The following NXPE2 variants were observed in gnomAD, a reference collection of about 807,000 sequenced individuals.
NXPE2 encodes the protein neurexophilin and PC-esterase domain family member 2.
A neutral mutation model predicts 34.4 loss-of-function variants in NXPE2; 34 were observed. The ratio of observed to expected loss-of-function variants is 0.99; its 90% CI spans 0.75 to 1.31. NXPE2 has a LOEUF of 1.31. Among genes scored for constraint, NXPE2 ranks in the 40% most tolerant of loss-of-function variants. The probability of loss-of-function intolerance (pLI) is 0.00; values close to 1 mark genes in which losing one functional copy is unlikely to be tolerated. For synonymous variants in NXPE2, 235 were observed against 231.3 expected (o/e 1.02, Z -0.15); for missense variants, 649 against 672.5 (o/e 0.97, Z 0.39).
chr11:114,559,301 T>C, the NXPE2 span, among the ~76,000 whole-genome samples: 1 of 152,176 alleles, frequency 6.6e-6, no homozygotes, highest in Admixed American at 6.5e-5. Flanking sequence ...ACAGGAAACT[T>C]TCCAGCATAA....
the NXPE2 span, among the ~76,000 whole-genome samples, chr11:114,725,684 T>C: frequency 6.6e-6 from 1 of 152,004 alleles, no homozygotes; most frequent in Admixed American, 6.6e-5. Flanking sequence ...TGTCAGTCTC[T>C]CATCAGCATC....
At chr11:114,688,653 T>A (rs764090474) in intron 2 of NXPE2, among the ~76,000 whole-genome samples, 1 of 152,062 alleles carries the variant, frequency 6.6e-6, no homozygotes, top group Non-Finnish European at 1.5e-5. Context: ...ATAGTTTCAG[T>A]AGGATTGGTA....
At chr11:114,519,334 T>TA in the NXPE2 span, among the ~76,000 whole-genome samples, 4 of 152,160 alleles carry the variant, frequency 2.6e-5, no homozygotes, top group African/African-American at 9.7e-5. Context: ...CATTAACACT[T>TA]ATTCCTGGTT....
chr11:114,536,806 A>G, the NXPE2 span, among the ~76,000 whole-genome samples: 1 of 152,210 alleles, frequency 6.6e-6, no homozygotes, highest in Admixed American at 6.5e-5. Flanking sequence ...TACCAACCAA[A>G]AAAAGTCCAG....
At chr11:114,557,667 ATATAT>A in the NXPE2 span, among the ~76,000 whole-genome samples, 107 of 114,216 alleles carry the variant, frequency 9.4e-4, no homozygotes, top group Admixed American at 1.3e-3. Flanking sequence ...ATATATATAT[ATATAT>A]AAAATCCTTG....
At chr11:114,639,844 A>G in the NXPE2 span, among the ~76,000 whole-genome samples, 1 of 110,490 alleles carries the variant, frequency 9.1e-6, no homozygotes, top group African/African-American at 3.8e-5. Flanking sequence ...TATTAAATAT[A>G]AAATATAATA....
At chr11:114,634,461 A>C in the NXPE2 span, among the ~76,000 whole-genome samples, 192 of 152,058 alleles carry the variant, frequency 1.3e-3, 2 homozygotes, top group African/African-American at 4.4e-3. Flanking sequence ...GCAGCTCTTT[A>C]GTTTAGTTAG....
chr11:114,755,660 C>A, the NXPE2 span, among the ~76,000 whole-genome samples: 1 of 150,974 alleles, frequency 6.6e-6, no homozygotes, highest in Non-Finnish European at 1.5e-5. Context: ...ATCTGTCTAT[C>A]CATCCATTTA....
the NXPE2 span, among the ~76,000 whole-genome samples, chr11:114,472,668 G>A: frequency 5.3e-5 from 8 of 152,174 alleles, no homozygotes; most frequent in Non-Finnish European, 1.0e-4. Context: ...TGTCTGGCAG[G>A]GGCCCACTTC....
At chr11:114,697,106 G>A (rs984205543) in intron 2 of NXPE2, among the ~76,000 whole-genome samples, 3 of 152,018 alleles carry the variant, frequency 2.0e-5, no homozygotes, top group African/African-American at 7.3e-5. Flanking sequence ...TTGGACCATG[G>A]TTGACCATGG....
chr11:114,619,004 G>T, the NXPE2 span, among the ~76,000 whole-genome samples: 1 of 152,060 alleles, frequency 6.6e-6, no homozygotes, highest in South Asian at 2.1e-4. Context: ...TGCTTCTAGG[G>T]TAACCACTGT....
chr11:114,650,541 G>A, the NXPE2 span, among the ~76,000 whole-genome samples: 5 of 152,122 alleles, frequency 3.3e-5, no homozygotes, highest in Non-Finnish European at 5.9e-5. Flanking sequence ...ATGGAGGAAG[G>A]GCAAGTACTG....
the NXPE2 span, chr11:114,571,476 G>A: frequency 1.3e-6 from 2 of 1,588,882 alleles, no homozygotes; most frequent in Non-Finnish European, 1.7e-6. Context: ...CTTCAGTGCT[G>A]ATAACAAATA....
the NXPE2 span, among the ~76,000 whole-genome samples, chr11:114,721,380 C>G: frequency 6.6e-6 from 1 of 151,820 alleles, no homozygotes; most frequent in African/African-American, 2.4e-5. Context: ...AATCACAAAA[C>G]CTGTCTCTGC....
the NXPE2 span, among the ~76,000 whole-genome samples, chr11:114,661,041 T>C: frequency 6.6e-6 from 1 of 152,174 alleles, no homozygotes; most frequent in African/African-American, 2.4e-5. Context: ...AATACTTATG[T>C]GTAAATCTAA....
chr11:114,715,882 A>G, the NXPE2 span, among the ~76,000 whole-genome samples: 5 of 152,156 alleles, frequency 3.3e-5, no homozygotes, highest in African/African-American at 1.2e-4. Context: ...ATGCCTGTGT[A>G]CCACAACCAC....
chr11:114,626,153 T>C, the NXPE2 span, among the ~76,000 whole-genome samples: 3 of 152,208 alleles, frequency 2.0e-5, no homozygotes, highest in South Asian at 6.2e-4. Context: ...GCCGGGAAGC[T>C]CGAACTGGGT....
chr11:114,665,434 A>G, the NXPE2 span, among the ~76,000 whole-genome samples: 1 of 152,168 alleles, frequency 6.6e-6, no homozygotes. Flanking sequence ...ATTTTCAGTC[A>G]TACTTTGTGA....
At chr11:114,600,912 G>C in the NXPE2 span, among the ~76,000 whole-genome samples, 1 of 151,996 alleles carries the variant, frequency 6.6e-6, no homozygotes, top group African/African-American at 2.4e-5. Flanking sequence ...CTTTTCAAAT[G>C]GGAAAATATA....
Sources: allele counts gnomAD v4.1 joint callset (sites outside exome capture counted in the v4.1 genomes callset), GRCh38; gene constraint gnomAD v4.1.1; transcripts MANE v1.5; gene names NCBI Gene and HGNC (gene_info 2026-07-23, HGNC 2026-07-21).